The following DPP6 variants were observed in gnomAD, a reference collection of about 807,000 sequenced individuals.
DPP6 encodes dipeptidyl peptidase like 6, also known as A-type potassium channel modulatory protein DPP6.
Under a neutral mutation model 122.6 loss-of-function variants are expected in DPP6, and 69 were observed. That is an observed-to-expected ratio of 0.56 (90% confidence interval 0.46 to 0.69). The LOEUF is 0.69. DPP6 is among the 30% of genes least tolerant of loss of function. DPP6 has a pLI of 0.00. For synonymous variants in DPP6, 418 were observed against 433.1 expected, an observed-to-expected ratio of 0.97 and a Z score of 0.43; for missense variants, 928 against 1,116.9, an observed-to-expected ratio of 0.83 and a Z score of 2.41.
chr7:154,487,755 A>G (rs1823923195), intron 3 of DPP6, among the ~76,000 whole-genome samples: 1 of 152,246 alleles, frequency 6.6e-6, no homozygotes. Context: ...ATTACTTCAC[A>G]GAGTCCTTAA....
intron 1 of DPP6, among the ~76,000 whole-genome samples, chr7:154,161,001 C>T (rs1443757068): frequency 2.0e-5 from 3 of 152,184 alleles, no homozygotes; most frequent in Non-Finnish European, 2.9e-5. Flanking sequence ...TTACAACCAG[C>T]AGTGGCAGGT....
At chr7:154,643,024 T>G (rs1235572554) in intron 6 of DPP6, among the ~76,000 whole-genome samples, 1 of 152,224 alleles carries the variant, frequency 6.6e-6, no homozygotes, top group African/African-American at 2.4e-5. Flanking sequence ...TAATTAAATA[T>G]TATCAGACTT....
intron 1 of DPP6, among the ~76,000 whole-genome samples, chr7:154,308,545 A>G (rs1481174633): frequency 6.6e-6 from 1 of 152,196 alleles, no homozygotes; most frequent in Non-Finnish European, 1.5e-5. Context: ...TCTGAAGCCA[A>G]TCAGGTGATA....
chr7:154,328,640 A>G (rs1333118081), intron 1 of DPP6, among the ~76,000 whole-genome samples: 1 of 152,150 alleles, frequency 6.6e-6, no homozygotes, highest in Non-Finnish European at 1.5e-5. Flanking sequence ...CAGAAAGGAG[A>G]CTTAGTGATC....
At chr7:154,749,059 G>A (rs1370952216) in intron 8 of DPP6, among the ~76,000 whole-genome samples, 2 of 150,252 alleles carry the variant, frequency 1.3e-5, no homozygotes, top group African/African-American at 4.9e-5. Context: ...GAGGGTGAGG[G>A]AGCATAGGAT....
At chr7:153,816,091 G>GA in the DPP6 span, among the ~76,000 whole-genome samples, 5 of 151,444 alleles carry the variant, frequency 3.3e-5, no homozygotes, top group African/African-American at 9.7e-5. Flanking sequence ...AAGAAAAATA[G>GA]AAAAAAGATA....
chr7:154,874,321 G>A (rs566010084), intron 19 of DPP6, among the ~76,000 whole-genome samples: 2 of 152,326 alleles, frequency 1.3e-5, no homozygotes, highest in East Asian at 3.9e-4. Context: ...CTTCCCTTCA[G>A]AGGTAAAAGT....
chr7:154,064,508 T>A (rs1802545555), intron 1 of DPP6, among the ~76,000 whole-genome samples: 2 of 152,178 alleles, frequency 1.3e-5, no homozygotes, highest in South Asian at 4.1e-4. Flanking sequence ...TCAAATTGTA[T>A]AGCAAACCAC....
chr7:154,047,648 G>A (rs1199297454), upstream of DPP6, among the ~76,000 whole-genome samples: 6 of 151,918 alleles, frequency 3.9e-5, no homozygotes, highest in Non-Finnish European at 7.3e-5. Flanking sequence ...CAGGGTGAGA[G>A]GTGATTATTT....
In DPP6 at chr7:154,375,507, G is replaced by A. The variant is rs536784450; in HGVS notation, c.244-70707G>A. ...GCTAGTATTTGGAAGTGAATTATTT[G>A]GGAGGTGATTAGGGTGAGATGAGGT... On this transcript the variant is annotated intron_variant, in intron 1 of 25. Coordinates refer to ENST00000377770, the MANE Select transcript of DPP6 (RefSeq NM_130797.4). 5.9e-5 allele frequency among the ~76,000 whole-genome samples: 9 copies of A among 152,258 alleles called. No individual in the cohort carries two copies. The East Asian group carries it at 1.7e-3, about 29-fold the overall frequency.
intron 1 of DPP6, among the ~76,000 whole-genome samples, chr7:153,951,237 A>C (rs39179): frequency 0.98 from 149,873 of 152,270 alleles, 73,760 homozygotes; most frequent in East Asian, 1. Flanking sequence ...AGGTTAAAAA[A>C]ACCCGGGGGA....
At chr7:154,485,168 C>T (rs1488299828) in intron 3 of DPP6, among the ~76,000 whole-genome samples, 1 of 152,084 alleles carries the variant, frequency 6.6e-6, no homozygotes, top group African/African-American at 2.4e-5. Context: ...CAGGGAAGTA[C>T]CCAGGAAGGG....
At chr7:154,179,575 G>C (rs1195821618) in intron 1 of DPP6, among the ~76,000 whole-genome samples, 2 of 152,096 alleles carry the variant, frequency 1.3e-5, no homozygotes, top group African/African-American at 4.8e-5. Context: ...CCCATGTCTG[G>C]ACCACCAAGC....
At chr7:154,575,134 G>GAT in intron 5 of DPP6, among the ~76,000 whole-genome samples, 1 of 141,636 alleles carries the variant, frequency 7.1e-6, no homozygotes, top group Non-Finnish European at 1.5e-5. Context: ...GTGTGTGTGT[G>GAT]GTATGTGTAT....
At chr7:154,635,867 G>A (rs765267953) in intron 5 of DPP6, among the ~76,000 whole-genome samples, 29 of 152,290 alleles carry the variant, frequency 1.9e-4, no homozygotes, top group Non-Finnish European at 2.9e-4. Context: ...CTTCCTCAGA[G>A]CAAGTGATAT....
chr7:153,979,607 A>G (rs955732108), intron 1 of DPP6, among the ~76,000 whole-genome samples: 2 of 152,232 alleles, frequency 1.3e-5, no homozygotes, highest in Admixed American at 1.3e-4. Context: ...GAGAGAGGGC[A>G]TCCTTGTCTT....
chr7:154,583,368 C>T (rs11983169), intron 5 of DPP6, among the ~76,000 whole-genome samples: 5,437 of 152,258 alleles, frequency 0.036, 323 homozygotes, highest in African/African-American at 0.12. Context: ...AATTTGAGGC[C>T]GCTCACCCCT....
chr7:154,827,718 C>T (rs1351641949), intron 16 of DPP6, among the ~76,000 whole-genome samples: 5 of 5,076 alleles, frequency 9.9e-4, no homozygotes, highest in Non-Finnish European at 2.0e-3. Flanking sequence ...CCAGAAAGGA[C>T]GGCTGGCGGG....
At chr7:153,987,962 T>A (rs1261471453) in intron 1 of DPP6, among the ~76,000 whole-genome samples, 1 of 151,526 alleles carries the variant, frequency 6.6e-6, no homozygotes, top group African/African-American at 2.4e-5. Flanking sequence ...GGAAACAGAG[T>A]CAGGGGGAAG....
Sources: gnomAD v4.1 joint callset for allele counts (sites outside exome capture counted in the v4.1 genomes callset) on GRCh38, gnomAD v4.1.1 for gene constraint, MANE v1.5 for transcripts, NCBI Gene and HGNC (gene_info 2026-07-23, HGNC 2026-07-21) for gene names.